The following SYT14 variants were observed in gnomAD, a reference collection of about 807,000 sequenced individuals.
SYT14 encodes the protein synaptotagmin 14.
In SYT14, 32 loss-of-function variants were observed where a neutral mutation model predicts 74.2. The ratio of observed to expected loss-of-function variants is 0.43; its 90% CI spans 0.33 to 0.58. The LOEUF is 0.58. SYT14 is among the 20% of genes least tolerant of loss of function. The pLI, the probability that SYT14 is intolerant of heterozygous loss-of-function variation, is 0.05. For missense variants in SYT14, 791 were observed against 981.8 expected (o/e 0.81, Z 2.60); for synonymous variants, 298 against 337.7 (o/e 0.88, Z 1.29).
intron 5 of SYT14, among the ~76,000 whole-genome samples, chr1:210,051,589 AT>A (rs1393002553): frequency 6.6e-6 from 1 of 152,114 alleles, no homozygotes; most frequent in Non-Finnish European, 1.5e-5. Flanking sequence ...TTTTGAAAAA[AT>A]AATTATGTGT....
intron 2 of SYT14, among the ~76,000 whole-genome samples, chr1:209,983,797 G>A (rs940469396): frequency 2.0e-5 from 3 of 152,058 alleles, no homozygotes; most frequent in Non-Finnish European, 4.4e-5. Flanking sequence ...ACTTTTTGTT[G>A]AAAACAACAT....
At chr1:209,983,812 A>T (rs527271558) in intron 2 of SYT14, among the ~76,000 whole-genome samples, 1 of 152,256 alleles carries the variant, frequency 6.6e-6, no homozygotes, top group South Asian at 2.1e-4. Context: ...CAACATTTTG[A>T]ACACTCTATT....
intron 1 of SYT14, among the ~76,000 whole-genome samples, chr1:209,945,771 T>A (rs1451306970): frequency 1.3e-5 from 2 of 152,198 alleles, no homozygotes; most frequent in African/African-American, 4.8e-5. Flanking sequence ...TAGATCCATT[T>A]TAAAGGAACT....
At chr1:209,971,123 A>G (rs960863076) in intron 2 of SYT14, among the ~76,000 whole-genome samples, 1 of 152,024 alleles carries the variant, frequency 6.6e-6, no homozygotes, top group Non-Finnish European at 1.5e-5. Context: ...ATGTATTCCT[A>G]GATATTTCTT....
At chr1:210,005,763 A>G (rs913957639) in intron 2 of SYT14, among the ~76,000 whole-genome samples, 1 of 151,980 alleles carries the variant, frequency 6.6e-6, no homozygotes, top group Non-Finnish European at 1.5e-5. Flanking sequence ...ATAGAGTTTT[A>G]TATTAAGATT....
chr1:209,982,025 A>G (rs913550071), intron 2 of SYT14, among the ~76,000 whole-genome samples: 1 of 151,922 alleles, frequency 6.6e-6, no homozygotes, highest in African/African-American at 2.4e-5. Flanking sequence ...CTCTTGCAAG[A>G]TCAGGAAGAT....
intron 2 of SYT14, among the ~76,000 whole-genome samples, chr1:210,004,258 G>A (rs1462420990): frequency 1.3e-5 from 2 of 151,860 alleles, no homozygotes; most frequent in Non-Finnish European, 2.9e-5. Context: ...AATATATTGA[G>A]GTCCTTAGTG....
At chr1:210,160,574 C>T (rs2083352832) in intron 9 of SYT14, among the ~76,000 whole-genome samples, 155 bp from the exon 9 acceptor site, 1 of 152,112 alleles carries the variant, frequency 6.6e-6, no homozygotes, top group Non-Finnish European at 1.5e-5. Flanking sequence ...ATATTATAAG[C>T]ATCTACATCA....
At chr1:209,999,015 G>A (rs2079846501) in intron 2 of SYT14, among the ~76,000 whole-genome samples, 1 of 152,058 alleles carries the variant, frequency 6.6e-6, no homozygotes, top group Non-Finnish European at 1.5e-5. Context: ...TGTTGAATGG[G>A]AGAAAATATA....
chr1:210,022,184 T>TA (rs35339876), intron 5 of SYT14, among the ~76,000 whole-genome samples: 4 of 152,200 alleles, frequency 2.6e-5, no homozygotes, highest in Admixed American at 2.0e-4. Flanking sequence ...ATTGATGACT[T>TA]AAAGTTTTAT....
intron 7 of SYT14, among the ~76,000 whole-genome samples, chr1:210,144,028 A>G (rs1423666840): frequency 1.3e-5 from 2 of 152,178 alleles, no homozygotes; most frequent in Admixed American, 6.5e-5. Flanking sequence ...CGCAGATGGC[A>G]AAAAGTTAGA....
intron 1 of SYT14, among the ~76,000 whole-genome samples, chr1:209,938,544 C>A (rs1279052256): frequency 1.3e-5 from 2 of 151,924 alleles, no homozygotes; most frequent in African/African-American, 4.8e-5. Flanking sequence ...AGCGGGCTGG[C>A]GGGCAGGTAC....
At chr1:209,969,485 TC>T (rs1253854986) in intron 2 of SYT14, among the ~76,000 whole-genome samples, 3 of 148,338 alleles carry the variant, frequency 2.0e-5, no homozygotes, top group African/African-American at 4.9e-5. Context: ...GTTTTTTCTT[TC>T]TTTTTTTTTT....
At chr1:210,146,198 C>T (rs567396098) in intron 7 of SYT14, among the ~76,000 whole-genome samples, 4 of 152,078 alleles carry the variant, frequency 2.6e-5, no homozygotes, top group East Asian at 3.9e-4. Context: ...ATTAACCGGG[C>T]GTGTTGGCTC....
chr1:210,018,564 AAAT>A (rs2080235770), intron 4 of SYT14, among the ~76,000 whole-genome samples: 1 of 152,220 alleles, frequency 6.6e-6, no homozygotes, highest in Non-Finnish European at 1.5e-5. Context: ...TTTATTCAGA[AAAT>A]AATGATAGAA....
At chr1:210,059,638 T>C (rs1047644126) in intron 5 of SYT14, among the ~76,000 whole-genome samples, 3 of 151,978 alleles carry the variant, frequency 2.0e-5, no homozygotes, top group African/African-American at 7.3e-5. Flanking sequence ...ATTGCCAGAA[T>C]TGGCAGGATA....
At chr1:210,114,456 G>A (rs2082320352) in intron 7 of SYT14, among the ~76,000 whole-genome samples, 1 of 151,264 alleles carries the variant, frequency 6.6e-6, no homozygotes, top group Non-Finnish European at 1.5e-5. Flanking sequence ...TGTGGGGTTT[G>A]AGGGCTGGAA....
At chr1:209,954,958 G>A (rs867963436) in intron 2 of SYT14, among the ~76,000 whole-genome samples, 4 of 152,038 alleles carry the variant, frequency 2.6e-5, no homozygotes, top group African/African-American at 9.6e-5. Context: ...TGTCCACCTC[G>A]GCCTCCCCAA....
chr1:209,965,647 A>G (rs1269763437), intron 2 of SYT14, among the ~76,000 whole-genome samples: 4 of 152,186 alleles, frequency 2.6e-5, no homozygotes, highest in Non-Finnish European at 5.9e-5. Flanking sequence ...TGCTTTCCAC[A>G]GGGACTGAAC....
Sources: allele counts gnomAD v4.1 joint callset (sites outside exome capture counted in the v4.1 genomes callset), GRCh38; gene constraint gnomAD v4.1.1; transcripts MANE v1.5; gene names NCBI Gene and HGNC (gene_info 2026-07-23, HGNC 2026-07-21).